LATS2: variants seen among roughly 807,000 people sequenced by gnomAD.
LATS2 encodes the protein serine/threonine-protein kinase LATS2.
A neutral mutation model predicts 76.0 loss-of-function variants in LATS2; 24 were observed. The observed-to-expected ratio is 0.32, with a 90% CI of 0.23 to 0.44. The LOEUF (loss-of-function observed/expected upper bound fraction) is 0.44, where lower values mean the gene tolerates loss of function less well. Among genes scored for constraint, LATS2 ranks in the 20% least tolerant of loss-of-function variants. LATS2 has a pLI of 1.00. For synonymous variants in LATS2, 692 were observed against 635.4 expected (o/e 1.09, Z -1.34); for missense variants, 1,286 against 1,481.2 (o/e 0.87, Z 2.16).
chr13:20,996,039 GAAA>G (rs1870735635), intron 2 of LATS2, among the ~76,000 whole-genome samples: 1 of 152,170 alleles, frequency 6.6e-6, no homozygotes. Context: ...ATGTCTCATA[GAAA>G]AAGGATGCTA....
chr13:21,049,995 C>T (rs1206769864), intron 1 of LATS2, among the ~76,000 whole-genome samples: 2 of 151,918 alleles, frequency 1.3e-5, no homozygotes, highest in Non-Finnish European at 2.9e-5. Context: ...ACAGCACACC[C>T]CTGTAGTCCA....
At chr13:20,990,461 A>T (rs1595218280) in intron 3 of LATS2, among the ~76,000 whole-genome samples, 26 of 94,514 alleles carry the variant, frequency 2.8e-4, no homozygotes, top group Admixed American at 5.4e-4. Context: ...AATTACTAGG[A>T]TTTTTTTTTT....
chr13:21,004,219 T>C (rs1871167592), intron 2 of LATS2, among the ~76,000 whole-genome samples: 1 of 152,202 alleles, frequency 6.6e-6, no homozygotes, highest in African/African-American at 2.4e-5. Flanking sequence ...GTGGATCACC[T>C]GAGGTCAGGA....
intron 6 of LATS2, 23 bp downstream of exon 6, chr13:20,981,443 G>T: frequency 6.2e-7 from 1 of 1,601,170 alleles, no homozygotes. Flanking sequence ...CTCCTGCGGG[G>T]TGGCTGGCCA....
chr13:21,050,396 C>T (rs1341109702), intron 1 of LATS2, among the ~76,000 whole-genome samples: 6 of 152,072 alleles, frequency 3.9e-5, no homozygotes, highest in Admixed American at 3.9e-4. Flanking sequence ...AGGGGAACCA[C>T]CTTCATGTCA....
chr13:21,036,440 T>C (rs1017177563), intron 2 of LATS2, among the ~76,000 whole-genome samples: 1 of 152,038 alleles, frequency 6.6e-6, no homozygotes, highest in Non-Finnish European at 1.5e-5. Context: ...GGAGAACTAT[T>C]ACCACTTTCT....
intron 2 of LATS2, among the ~76,000 whole-genome samples, chr13:21,023,662 AAAAAAAAAAAAAAAAAAAAAAC>A (rs1432685706): frequency 1.3e-4 from 5 of 38,074 alleles, no homozygotes; most frequent in East Asian, 5.7e-4. Flanking sequence ...AAAAAAAAAA[AAAAAAAAAAAAAAAAAAAAAAC>A]AAACCTCGGC....
rs549258974 is a variant in LATS2 at position 20,989,313 on chromosome 13, G to GA, written c.476-10dup. On this transcript the variant is annotated splice_polypyrimidine_tract_variant and intron_variant, in intron 3 of 7. Transcript: ENST00000382592. ...TGGCATGAGCCCCTTTCCTGCAGTGGAAAAAACAGGAAGACAGCATCAGAG... is the reference window on the plus strand; with the variant it reads ...TGGCATGAGCCCCTTTCCTGCAGTGGAAAAAAACAGGAAGACAGCATCAGAG... 871 of 1,613,232 alleles carry GA rather than the reference G, an allele frequency of 5.4e-4. No individual in the cohort carries two copies. Among genetic ancestry groups the GA allele is most frequent in the Non-Finnish European group, 7.0e-4 (821 of 1,179,942 alleles).
intron 1 of LATS2, among the ~76,000 whole-genome samples, chr13:21,056,285 C>T (rs984617056): frequency 6.6e-6 from 1 of 152,028 alleles, no homozygotes; most frequent in Admixed American, 6.6e-5. Context: ...GTGATCCCCC[C>T]GCCTCGGCCT....
intron 1 of LATS2, among the ~76,000 whole-genome samples, chr13:21,060,881 G>C (rs1337381413): frequency 6.6e-6 from 1 of 151,356 alleles, no homozygotes; most frequent in Non-Finnish European, 1.5e-5. Flanking sequence ...TGTCAGGGGC[G>C]CCCGGCCGGG....
chr13:21,006,951 T>A (rs1565951593), intron 2 of LATS2, among the ~76,000 whole-genome samples: 1 of 152,198 alleles, frequency 6.6e-6, no homozygotes, highest in Admixed American at 6.5e-5. Context: ...TTTTAAATGC[T>A]GTCAAGTAGG....
intron 2 of LATS2, among the ~76,000 whole-genome samples, chr13:20,997,470 C>T (rs371123024): frequency 7.2e-5 from 11 of 152,354 alleles, no homozygotes; most frequent in African/African-American, 2.4e-4. Context: ...CAGGCCCTGC[C>T]AGTATCTTGA....
Position 20,979,671 on chromosome 13 carries a change from C to A in LATS2, c.2772+20G>T. The A allele has an allele frequency of 1.4e-6, 2 of 1,398,568 alleles. No homozygotes were observed. Among genetic ancestry groups the A allele is most frequent in the Non-Finnish European group, 2.0e-6 (2 of 985,630 alleles). The allele number at this position is 1,398,568 out of a possible 1,614,324, so 86.6% of individuals were successfully genotyped here. On this transcript the variant is annotated intron_variant, in intron 7 of 7. Transcript: ENST00000382592. ...ATCAGATGTCTACAGCAAGCAGATG[C>A]GTGGTTCCTCTCACATTACCTTCAG...
intron 1 of LATS2, among the ~76,000 whole-genome samples, chr13:21,058,388 T>G (rs923203924): frequency 4.6e-5 from 7 of 152,264 alleles, no homozygotes; most frequent in East Asian, 3.8e-4. Context: ...ATCCTTCCTC[T>G]GTTTATGGTC....
In LATS2 at chr13:20,991,211, G is replaced by A. The variant is rs1870493399; in HGVS notation, c.475+61C>T. The A allele has an allele frequency of 1.2e-6, 2 of 1,603,892 alleles. No individual in the cohort carries two copies. Among genetic ancestry groups the A allele is most frequent in the African/African-American group, 1.3e-5 (1 of 74,978 alleles). On this transcript the variant is annotated intron_variant, in intron 3 of 7. Coordinates refer to ENST00000382592, the MANE Select transcript of LATS2 (RefSeq NM_014572.3). The surrounding 1 kb of genome is among the most constrained non-coding windows in gnomAD (Gnocchi z 4.9). ...GGCCAGGTTGGACCCCTCTGCACGT[G>A]GTTTTGTTGTCCTTAAGCCACAAAC...
At position 20,974,076 on chromosome 13, in the gene LATS2, C is replaced by T. The variant is rs532695491; in HGVS notation, c.*794G>A. 7.0e-4 allele frequency: 154 copies of T among 219,678 alleles called. 1 individual carries two copies. Among genetic ancestry groups the T allele is most frequent in the Middle Eastern group, 1.4e-3 (1 of 712 alleles). 13.6% of individuals were successfully genotyped at this position (219,678 alleles called of 1,614,324 possible). ...AAAACAGTAAGAGATACAATCATAGCGAAGAGGTCACCCGCACAATACATT... is the reference window on the plus strand; with the variant it reads ...AAAACAGTAAGAGATACAATCATAGTGAAGAGGTCACCCGCACAATACATT... On this transcript the variant is annotated 3_prime_UTR_variant, in exon 8 of 8. Transcript: ENST00000382592.
At chr13:21,047,664 T>G (rs1240756498) in intron 1 of LATS2, among the ~76,000 whole-genome samples, 1 of 151,506 alleles carries the variant, frequency 6.6e-6, no homozygotes, top group African/African-American at 2.4e-5. Flanking sequence ...TTTATAACTG[T>G]AAACCGCGAC....
At chr13:21,026,970 GATGA>G (rs1872331344) in intron 2 of LATS2, among the ~76,000 whole-genome samples, 1 of 152,118 alleles carries the variant, frequency 6.6e-6, no homozygotes, top group Non-Finnish European at 1.5e-5. Context: ...TTTCTCTGAT[GATGA>G]ATGATGTTGC....
chr13:20,996,806 CAAAAT>C (rs1870773126), intron 2 of LATS2, among the ~76,000 whole-genome samples: 1 of 152,190 alleles, frequency 6.6e-6, no homozygotes, highest in Non-Finnish European at 1.5e-5. Flanking sequence ...ACAATGGTTA[CAAAAT>C]AAGAGTCTGA....
Sources: gnomAD v4.1 joint callset for allele counts (sites outside exome capture counted in the v4.1 genomes callset) on GRCh38, gnomAD v4.1.1 for gene constraint, Gnocchi (gnomAD v3.1) non-coding constraint, MANE v1.5 for transcripts, NCBI Gene and HGNC (gene_info 2026-07-23, HGNC 2026-07-21) for gene names.